The following ASH1L variants were observed in gnomAD, a reference collection of about 807,000 sequenced individuals.
ASH1L encodes ASH1 like histone lysine methyltransferase.
In ASH1L, 23 loss-of-function variants were observed where a neutral mutation model predicts 269.0. That is an observed-to-expected ratio of 0.09 (90% CI 0.06 to 0.12). The LOEUF is 0.12. Among genes scored for constraint, ASH1L ranks in the 10% least tolerant of loss-of-function variants. The pLI, the probability that ASH1L is intolerant of heterozygous loss-of-function variation, is 1.00. For missense variants in ASH1L, 2,912 were observed against 3,567.8 expected, an observed-to-expected ratio of 0.82 and a Z score of 4.68; for synonymous variants, 1,187 against 1,253.5, an observed-to-expected ratio of 0.95 and a Z score of 1.12.
At chr1:155,415,982 T>G (rs576757348) in intron 5 of ASH1L, 59 bp from the exon 6 acceptor site, 14 of 1,361,668 alleles carry the variant, frequency 1.0e-5, no homozygotes, top group Non-Finnish European at 1.3e-5. Flanking sequence ...CTACAAATAA[T>G]TGTCTACTTA....
At chr1:155,427,942 G>A (rs1193467739) in intron 5 of ASH1L, among the ~76,000 whole-genome samples, 3 of 152,120 alleles carry the variant, frequency 2.0e-5, no homozygotes, top group Non-Finnish European at 2.9e-5. Flanking sequence ...ATGGCACTTC[G>A]TCCTTCTCCT....
In ASH1L at chr1:155,336,370, CATATATATATACACACACAT is replaced by C. The variant is rs1244227732; in HGVS notation, c.*1270_*1289del. ...GTGTGTGTATATATATACACACACACATATATATATACACACACATACACACATATATATACACACACACA... is the reference window on the plus strand; with the variant it reads ...GTGTGTGTATATATATACACACACACACACACATATATATACACACACACA... On this transcript the variant is annotated 3_prime_UTR_variant, in exon 28 of 28. Transcript: ENST00000392403. The C allele has an allele frequency of 6.7e-6, 1 of 149,162 alleles. No individual in the cohort carries two copies. Among genetic ancestry groups the C allele is most frequent in the South Asian group, 2.1e-4 (1 of 4,680 alleles). 9.2% of individuals were successfully genotyped at this position (149,162 alleles called of 1,614,324 possible).
At chr1:155,437,171 T>C (rs1662169384) in intron 5 of ASH1L, among the ~76,000 whole-genome samples, 1 of 152,082 alleles carries the variant, frequency 6.6e-6, no homozygotes, top group South Asian at 2.1e-4. Flanking sequence ...AAAAATGCAA[T>C]CCACAGAATA....
intron 1 of ASH1L, among the ~76,000 whole-genome samples, chr1:155,546,489 G>A (rs1386327301): frequency 1.3e-5 from 2 of 151,842 alleles, no homozygotes; most frequent in African/African-American, 4.8e-5. Context: ...GGTTGGGCGC[G>A]GTGGCTCATG....
At chr1:155,558,636 T>A (rs1205230805) in intron 1 of ASH1L, among the ~76,000 whole-genome samples, 1 of 152,094 alleles carries the variant, frequency 6.6e-6, no homozygotes, top group Non-Finnish European at 1.5e-5. Flanking sequence ...TTCCAACTCC[T>A]GGGTCAAGTA....
chr1:155,514,203 T>TGGTG (rs1415553508), intron 2 of ASH1L, among the ~76,000 whole-genome samples: 4 of 152,170 alleles, frequency 2.6e-5, no homozygotes, highest in African/African-American at 9.7e-5. Context: ...GATCCAGAGC[T>TGGTG]GGTGGGTGGG....
chr1:155,535,264 CT>C (rs1467479958), intron 1 of ASH1L, among the ~76,000 whole-genome samples: 1 of 146,876 alleles, frequency 6.8e-6, no homozygotes, highest in African/African-American at 2.5e-5. Context: ...GGGTTTTGCT[CT>C]GTTGCCAAGG....
At chr1:155,383,649 T>A (rs1285308759) in intron 7 of ASH1L, among the ~76,000 whole-genome samples, 1 of 152,204 alleles carries the variant, frequency 6.6e-6, no homozygotes, top group Non-Finnish European at 1.5e-5. Context: ...CACATGATGG[T>A]ACTACAACAT....
At chr1:155,433,370 C>T in intron 5 of ASH1L, 2 of 1,596,590 alleles carry the variant, frequency 1.3e-6, no homozygotes, top group Non-Finnish European at 8.5e-7. Context: ...TCCCCCATGC[C>T]CCCCGCTGTA....
intron 12 of ASH1L, among the ~76,000 whole-genome samples, chr1:155,368,321 G>A (rs964254040): frequency 1.3e-5 from 2 of 152,020 alleles, no homozygotes; most frequent in South Asian, 2.1e-4. Flanking sequence ...GTATGTGGAA[G>A]AATTATCAGT....
chr1:155,523,312 T>C (rs1267681851), intron 1 of ASH1L, among the ~76,000 whole-genome samples: 1 of 152,006 alleles, frequency 6.6e-6, no homozygotes. Flanking sequence ...CTGGGCAACA[T>C]GGCAAAATCC....
intron 6 of ASH1L, among the ~76,000 whole-genome samples, chr1:155,397,499 G>GAAAA (rs757786971): frequency 9.5e-6 from 1 of 105,014 alleles, no homozygotes; most frequent in African/African-American, 3.5e-5. Context: ...CTCTGTCTCA[G>GAAAA]AAAAAAAAAA....
rs1665685360 is a variant in ASH1L, at chr1:155,477,979, G to C, written c.4891C>G (p.Pro1631Ala). The change falls in exon 3 of 28, where the codon CCT (proline) becomes GCT (alanine). Residue 1631 changes from proline (P) to alanine (A), a missense_variant. By Grantham distance (27) the Pro-to-Ala change is conservative. Coordinates refer to ENST00000392403, the MANE Select transcript of ASH1L (RefSeq NM_018489.3). ...GTGTCCTGTGCAGAAAAGAGTCCAG[G>C]GCTGTCAGTTAATTTCTTCCGGCCA... is the stretch of plus-strand genomic sequence containing the variant. The part of the protein sequence containing the change: ...SSGRKKLTDS[P>A]GLFSAQDTSL... 1 of 1,614,174 alleles carries C rather than the reference G, an allele frequency of 6.2e-7. No homozygotes were observed. Among genetic ancestry groups the C allele is most frequent in the South Asian group, 1.1e-5 (1 of 91,074 alleles).
At position 155,529,839 on chromosome 1, in the gene ASH1L, G is replaced by A. The variant is rs116647076; in HGVS notation, c.-99-8221C>T. Among the ~76,000 whole-genome samples, 1,022 of 151,736 alleles carry A rather than the reference G, an allele frequency of 6.7e-3. 13 individuals are homozygous for A. The highest frequency in any genetic ancestry group is 0.024 in the African/African-American group (987 of 41,344). The stretch of plus-strand genomic sequence containing the variant: ...AAGTCCTCTCTACCTCTCTTCCATC[G>A]CCTACCAGTCTCCTCACTTAGTTCC... On this transcript the variant is annotated intron_variant, in intron 1 of 27. Coordinates refer to ENST00000392403, the MANE Select transcript of ASH1L (RefSeq NM_018489.3).
At chr1:155,363,117 G>A (rs548740650) in intron 12 of ASH1L, among the ~76,000 whole-genome samples, 5 of 152,132 alleles carry the variant, frequency 3.3e-5, no homozygotes, top group African/African-American at 9.6e-5. Context: ...CCAAGTAGCT[G>A]GGATTACAGG....
At position 155,370,980 on chromosome 1, in the gene ASH1L, C is replaced by A. The variant is rs1311839189; in HGVS notation, c.6336G>T (p.Met2112Ile). The A allele has an allele frequency of 1.2e-6, 2 of 1,609,614 alleles. No individual in the cohort carries two copies. The highest frequency in any genetic ancestry group is 1.7e-4 in the Middle Eastern group (1 of 6,016). Residue 2112 changes from methionine (M) to isoleucine (I), a missense_variant, in exon 11 of 28, where the codon ATG becomes ATT. Physicochemically the swap from Met to Ile is conservative, Grantham distance 10. Coordinates refer to ENST00000392403, the MANE Select transcript of ASH1L (RefSeq NM_018489.3). ...KGCVDDCLNR[M>I]IFAECSPNTC... is the part of the protein sequence containing the mutation. Reference sequence around the variant, plus strand: ...TGTTGGGGGAACACTCAGCAAAGATCATTCTAGAAAAAAAAGGAATAACTG... The same window carrying A: ...TGTTGGGGGAACACTCAGCAAAGATAATTCTAGAAAAAAAAGGAATAACTG...
intron 4 of ASH1L, among the ~76,000 whole-genome samples, chr1:155,447,019 T>C (rs1319833762): frequency 6.6e-6 from 1 of 152,236 alleles, no homozygotes; most frequent in Non-Finnish European, 1.5e-5. Context: ...CAGCAACTTT[T>C]TAACAAATTC....
rs753396230 is a variant in ASH1L, at chr1:155,378,403, C to T, written c.6224-14G>A. ...CAACGTAGACATCTTGAAAAGAAAG[C>T]AAAGAATAGTTTGTGAACATACAGG... On this transcript the variant is annotated splice_polypyrimidine_tract_variant and intron_variant, in intron 9 of 27. Coordinates refer to ENST00000392403, the MANE Select transcript of ASH1L (RefSeq NM_018489.3). 1.2e-6 allele frequency: 2 copies of T among 1,612,598 alleles called. No individual in the cohort carries two copies. Among genetic ancestry groups the T allele is most frequent in the Non-Finnish European group, 8.5e-7 (1 of 1,178,630 alleles).
rs541946212 is a variant in ASH1L, at chr1:155,450,972, C to T, written c.5086+8825G>A. The stretch of plus-strand genomic sequence containing the variant: ...CAGCACTTTGGGAGGCTAAGGCGGT[C>T]GAATCACCTGAGGTCAGGAGTCTGA... On this transcript the variant is annotated intron_variant, in intron 4 of 27. Coordinates refer to ENST00000392403, the MANE Select transcript of ASH1L (RefSeq NM_018489.3). Among the ~76,000 whole-genome samples, 8 of 151,750 alleles carry T rather than the reference C, an allele frequency of 5.3e-5. No homozygotes were observed. In the South Asian group the frequency reaches 1.0e-3, roughly 20 times the overall value.
Sources: allele counts gnomAD v4.1 joint callset (sites outside exome capture counted in the v4.1 genomes callset), GRCh38; gene constraint gnomAD v4.1.1; transcripts MANE v1.5; gene names NCBI Gene and HGNC (gene_info 2026-07-23, HGNC 2026-07-21).